D2HGDH: variants seen among roughly 807,000 people sequenced by gnomAD.
The protein encoded by D2HGDH is D-2-hydroxyglutarate dehydrogenase.
D2HGDH carries 31 observed loss-of-function variants against 46.9 expected under a neutral mutation model. The ratio of observed to expected loss-of-function variants is 0.66; its 90% CI spans 0.50 to 0.89. D2HGDH has a LOEUF of 0.89. Ranked by LOEUF, D2HGDH falls within the 40% of genes least tolerant of loss-of-function variation. The pLI, the probability that D2HGDH is intolerant of heterozygous loss-of-function variation, is 0.00. For synonymous variants in D2HGDH, 364 were observed against 332.6 expected, an observed-to-expected ratio of 1.09 and a Z score of -1.03; for missense variants, 698 against 720.8, an observed-to-expected ratio of 0.97 and a Z score of 0.36.
chr2:241,751,748 C>A (rs1443940873), intron 8 of D2HGDH, among the ~76,000 whole-genome samples: 6 of 152,118 alleles, frequency 3.9e-5, no homozygotes, highest in African/African-American at 1.4e-4. Flanking sequence ...AGGAGGAGCC[C>A]CTGGGGCTGT....
chr2:241,744,942 C>T (rs912803757), intron 6 of D2HGDH, 65 bp downstream of exon 6: 4 of 1,602,648 alleles, frequency 2.5e-6, no homozygotes, highest in Non-Finnish European at 3.4e-6. Flanking sequence ...CTGATGGTGC[C>T]ACTGTTGGTG....
At chr2:241,750,391 G>C in intron 7 of D2HGDH, 97 bp downstream of exon 7, 16 of 452,560 alleles carry the variant, frequency 3.5e-5, no homozygotes, top group South Asian at 1.5e-4. Flanking sequence ...GGCGGGGGGT[G>C]CCCGGGCGGG....
rs554153417 is a variant in D2HGDH, at chr2:241,767,677, C to T, written c.1307-33C>T. On this transcript the variant is annotated intron_variant, in intron 9 of 9. Coordinates refer to ENST00000321264, the MANE Select transcript of D2HGDH (RefSeq NM_152783.5). Reference sequence around the variant, plus strand: ...GAGTGGGGTCCTGGGGGCTGCCCTGCCCAGCCTGACCCATGTGCCCTTGTC... The same window carrying T: ...GAGTGGGGTCCTGGGGGCTGCCCTGTCCAGCCTGACCCATGTGCCCTTGTC... 1.4e-4 allele frequency: 219 copies of T among 1,611,932 alleles called. 5 individuals carry two copies. In the South Asian group the frequency reaches 2.2e-3, roughly 16 times the overall value.
At chr2:241,744,356 C>A (rs1250434835) in intron 5 of D2HGDH, among the ~76,000 whole-genome samples, 1 of 152,164 alleles carries the variant, frequency 6.6e-6, no homozygotes. Context: ...TACTTTTTTG[C>A]ACTCATGAGC....
At chr2:241,752,543 A>G (rs1410401772) in intron 8 of D2HGDH, among the ~76,000 whole-genome samples, 1 of 152,034 alleles carries the variant, frequency 6.6e-6, no homozygotes, top group East Asian at 1.9e-4. Flanking sequence ...CTGTGGCTGC[A>G]TGTGCTCCTG....
intron 2 of D2HGDH, chr2:241,735,907 C>T (rs113863162): frequency 0.014 from 3,580 of 253,362 alleles, 145 homozygotes; most frequent in African/African-American, 0.077. Flanking sequence ...CGACTACAGG[C>T]GCCCGCCACC....
chr2:241,742,940 C>T lies in D2HGDH; in HGVS notation c.490+366C>T, dbSNP rs113553305. On this transcript the variant is annotated intron_variant, in intron 4 of 9. Coordinates refer to ENST00000321264, the MANE Select transcript of D2HGDH (RefSeq NM_152783.5). This position sits in a 1 kb window ranked among gnomAD's most constrained non-coding sequence, Gnocchi z 4.8. ...GGCGTGAGGGGATCCTGACCCAGGGCGCCAGGGCGTGGCAGGCGTGAGGGG... is the reference window on the plus strand; with the variant it reads ...GGCGTGAGGGGATCCTGACCCAGGGTGCCAGGGCGTGGCAGGCGTGAGGGG... Among the ~76,000 whole-genome samples, 3,258 of 108,010 alleles carry T rather than the reference C, an allele frequency of 0.03. 107 individuals are homozygous for T. Among genetic ancestry groups the T allele is most frequent in the East Asian group, 0.061 (208 of 3,402 alleles). The allele number at this position is 108,010 out of a possible 152,430, so 70.9% of individuals were successfully genotyped here.
In D2HGDH at chr2:241,742,845, G is replaced by C. The variant is rs1048201055; in HGVS notation, c.490+271G>C. On this transcript the variant is annotated intron_variant, in intron 4 of 9. Transcript: ENST00000321264. The surrounding 1 kb of genome is among the most constrained non-coding windows in gnomAD (Gnocchi z 4.8). ...AGGTGCAGAGTGGCATGTGTGAGGG[G>C]ATCCTGACCCAGGGTGCCAGGGCGT... 6.6e-6 allele frequency among the ~76,000 whole-genome samples: 1 copy of C among 151,966 alleles called. No individual in the cohort carries two copies. Among genetic ancestry groups the C allele is most frequent in the Non-Finnish European group, 1.5e-5 (1 of 67,924 alleles).
intron 9 of D2HGDH, among the ~76,000 whole-genome samples, chr2:241,764,087 T>C (rs1248894506): frequency 6.6e-6 from 1 of 152,190 alleles, no homozygotes; most frequent in Non-Finnish European, 1.5e-5. Context: ...GGATGTGGTT[T>C]TTCTTCTTTC....
chr2:241,743,599 G>A lies in D2HGDH; in HGVS notation c.491-23G>A, dbSNP rs367878717. The stretch of plus-strand genomic sequence containing the variant: ...GGGCCCACTGGAAGCCAAGTGCTGC[G>A]GCAGCCTGGTCACTCTCTGCAGGAA... On this transcript the variant is annotated intron_variant, in intron 4 of 9. Transcript: ENST00000321264. This position sits in a 1 kb window ranked among gnomAD's most constrained non-coding sequence, Gnocchi z 4.8. The A allele has an allele frequency of 6.5e-4, 1,052 of 1,608,244 alleles. No individual in the cohort carries two copies. Among genetic ancestry groups the A allele is most frequent in the Non-Finnish European group, 8.4e-4 (995 of 1,178,146 alleles).
chr2:241,760,638 G>C (rs1259823978), intron 9 of D2HGDH, among the ~76,000 whole-genome samples: 1 of 151,230 alleles, frequency 6.6e-6, no homozygotes, highest in African/African-American at 2.4e-5. Flanking sequence ...GAAGTCCTTT[G>C]CCACAGTGTG....
chr2:241,741,145 C>T (rs890026286), intron 3 of D2HGDH, 55 bp downstream of exon 3: 1 of 1,535,508 alleles, frequency 6.5e-7, no homozygotes. Context: ...TGGGTCATTT[C>T]CTCATGGAGC....
intron 6 of D2HGDH, chr2:241,749,303 C>T (rs1417777483): frequency 7.8e-7 from 1 of 1,288,478 alleles, no homozygotes; most frequent in African/African-American, 1.5e-5. Context: ...GTGCAGGTGT[C>T]TGCCCCCAGC....
chr2:241,755,639 G>A (rs1180978798), intron 8 of D2HGDH: 8 of 1,532,018 alleles, frequency 5.2e-6, no homozygotes, highest in Non-Finnish European at 6.2e-6. Flanking sequence ...TGGGGCATTC[G>A]CTGTCCTGGG....
At chr2:241,744,998 C>A in intron 6 of D2HGDH, 121 bp downstream of exon 6, 6 of 1,336,208 alleles carry the variant, frequency 4.5e-6, no homozygotes, top group Admixed American at 1.9e-5. Flanking sequence ...AGTCGGTTCC[C>A]GTGTCTCCTG....
intron 6 of D2HGDH, chr2:241,748,806 C>G (rs1402192652): frequency 1.7e-6 from 2 of 1,161,944 alleles, no homozygotes; most frequent in Non-Finnish European, 2.2e-6. Flanking sequence ...CCATCTGGAT[C>G]GGTGGTTCCT....
At chr2:241,760,434 G>A (rs1419676708) in intron 9 of D2HGDH, among the ~76,000 whole-genome samples, 3 of 144,048 alleles carry the variant, frequency 2.1e-5, no homozygotes, top group South Asian at 2.2e-4. Flanking sequence ...TTGCCACAGC[G>A]TGGGTGGGCC....
intron 6 of D2HGDH, among the ~76,000 whole-genome samples, chr2:241,747,546 G>GTTTT (rs760885558): frequency 0.037 from 5,056 of 136,602 alleles, 148 homozygotes; most frequent in South Asian, 0.095. Context: ...TCAGGAGAGT[G>GTTTT]TTTTTTTTTT....
rs963209192 is a variant in D2HGDH at position 241,741,177 on chromosome 2, C to T, written c.350+87C>T. The T allele has an allele frequency of 1.9e-4, 235 of 1,247,636 alleles. 1 individual carries two copies. The highest frequency in any genetic ancestry group is 2.4e-4 in the Non-Finnish European group (212 of 867,896). The allele number at this position is 1,247,636 out of a possible 1,614,324, so 77.3% of individuals were successfully genotyped here. A position where few individuals can be genotyped will look rare whatever the true frequency, so the allele number is the denominator to read the frequency against. ...GAGCCTGTGGGCAGCTGGGGTGACGCGGTGCGAAGCCAGCCGATGACATCT... is the reference window on the plus strand; with the variant it reads ...GAGCCTGTGGGCAGCTGGGGTGACGTGGTGCGAAGCCAGCCGATGACATCT... On this transcript the variant is annotated intron_variant, in intron 3 of 9. Coordinates refer to ENST00000321264, the MANE Select transcript of D2HGDH (RefSeq NM_152783.5).
Sources: allele counts gnomAD v4.1 joint callset (sites outside exome capture counted in the v4.1 genomes callset), GRCh38; gene constraint gnomAD v4.1.1; non-coding constraint Gnocchi (gnomAD v3.1); transcripts MANE v1.5; gene names NCBI Gene and HGNC (gene_info 2026-07-23, HGNC 2026-07-21).